Variants in CDH2 observed in about 807,000 individuals in gnomAD.
The protein encoded by CDH2 is cadherin-2.
In CDH2, 17 loss-of-function variants were observed where a neutral mutation model predicts 92.0. The ratio of observed to expected loss-of-function variants is 0.18; its 90% confidence interval spans 0.13 to 0.28. The LOEUF (loss-of-function observed/expected upper bound fraction) is 0.28, where lower values mean the gene tolerates loss of function less well. Among genes scored for constraint, CDH2 ranks in the 10% least tolerant of loss-of-function variants. CDH2 has a pLI of 1.00. For synonymous variants in CDH2, 419 were observed against 415.9 expected (o/e 1.01, Z -0.09); for missense variants, 862 against 1,133.1 (o/e 0.76, Z 3.44).
rs540987781 is a variant in CDH2, at chr18:28,074,689, C to A, written c.173-60780G>T. Among the ~76,000 whole-genome samples the A allele has an allele frequency of 1.8e-3, 208 of 116,030 alleles. 2 individuals carry two copies. Among genetic ancestry groups the A allele is most frequent in the African/African-American group, 6.5e-3 (196 of 30,096 alleles). The allele number at this position is 116,030 out of a possible 152,430, so 76.1% of individuals were successfully genotyped here. A position where few individuals can be genotyped will look rare whatever the true frequency, so the allele number is the denominator to read the frequency against. On this transcript the variant is annotated intron_variant, in intron 2 of 15. Transcript: ENST00000269141. ...TAATTTAACTCCTAACTAAAGGAGG[C>A]CCTTTTTTTTTTTTAACTATTTAAA...
chr18:27,971,376 T>C (rs2011654990), intron 14 of CDH2, among the ~76,000 whole-genome samples: 1 of 141,846 alleles, frequency 7.0e-6, no homozygotes, highest in Non-Finnish European at 1.5e-5. Context: ...TTGTTATTAG[T>C]AGAATATCAA....
chr18:28,043,467 TATATATATATATATATATATATATATAA>T (rs1472708585), intron 2 of CDH2, among the ~76,000 whole-genome samples: 1,714 of 59,606 alleles, frequency 0.029, 42 homozygotes, highest in South Asian at 0.11. Context: ...AATAAATATA[TATATATATATATATATATATATATATAA>T]ATATATATAT....
At chr18:28,072,707 AC>A (rs1280437224) in intron 2 of CDH2, among the ~76,000 whole-genome samples, 1 of 152,284 alleles carries the variant, frequency 6.6e-6, no homozygotes, top group Non-Finnish European at 1.5e-5. Context: ...TTTATGATGT[AC>A]TTCCTATTCC....
chr18:27,950,011 T>C (rs931672228), downstream of CDH2, among the ~76,000 whole-genome samples: 1 of 151,980 alleles, frequency 6.6e-6, no homozygotes, highest in Non-Finnish European at 1.5e-5. Flanking sequence ...TTCATTTGGA[T>C]GTACAACAGC....
chr18:28,074,419 G>C lies in CDH2; in HGVS notation c.173-60510C>G, dbSNP rs151220348. Among the ~76,000 whole-genome samples, 314 of 152,088 alleles carry C rather than the reference G, an allele frequency of 2.1e-3. 1 individual carries two copies. Among genetic ancestry groups the C allele is most frequent in the African/African-American group, 7.2e-3 (299 of 41,504 alleles). On this transcript the variant is annotated intron_variant, in intron 2 of 15. Transcript: ENST00000269141. ...TTAATGGGTCTTTAGTTTTTGTTTT[G>C]TATTTTTAGTAGAGATGGGTTTCAC...
Position 28,005,853 on chromosome 18 carries a change from C to T in CDH2, c.843G>A (p.Lys281=), listed in dbSNP as rs764864158. 1 of 1,609,820 alleles carries T rather than the reference C, an allele frequency of 6.2e-7. No individual in the cohort carries two copies. The highest frequency in any genetic ancestry group is 1.1e-5 in the South Asian group (1 of 90,128). Residue 281 remains lysine, a synonymous_variant, in exon 6 of 16, where the codon AAG becomes AAA. Transcript: ENST00000269141. ...VWNGTVPEGS[K]PGTYVMTVTA... ...AATTATTATCTTTAAACTTACCAGG[C>T]TTTGATCCCTCAGGAACTGTCCCAT...
intron 2 of CDH2, among the ~76,000 whole-genome samples, chr18:28,096,868 T>TG (rs2144224260): frequency 6.6e-6 from 1 of 152,364 alleles, no homozygotes; most frequent in Admixed American, 6.5e-5. Context: ...ATGCTTAAAA[T>TG]AATGACAAGC....
chr18:27,970,923 T>C (rs1379476591), intron 14 of CDH2, among the ~76,000 whole-genome samples: 1 of 152,052 alleles, frequency 6.6e-6, no homozygotes, highest in African/African-American at 2.4e-5. Flanking sequence ...TTTATAAAAA[T>C]AGGTGGGAGG....
intron 2 of CDH2, among the ~76,000 whole-genome samples, chr18:28,062,568 T>G (rs531948503): frequency 6.6e-6 from 1 of 152,348 alleles, no homozygotes; most frequent in African/African-American, 2.4e-5. Flanking sequence ...GAGTTCATGA[T>G]GCAAATATTC....
At chr18:27,991,655 T>C (rs2012419755) in intron 9 of CDH2, among the ~76,000 whole-genome samples, 1 of 152,234 alleles carries the variant, frequency 6.6e-6, no homozygotes, top group Admixed American at 6.5e-5. Flanking sequence ...GTTAAATAGT[T>C]GGCCATGATC....
At chr18:28,013,993 G>T in intron 2 of CDH2, 84 bp from the exon 3 acceptor site, 2 of 870,776 alleles carry the variant, frequency 2.3e-6, no homozygotes, top group Non-Finnish European at 3.5e-6. Flanking sequence ...CCTATATCCT[G>T]CTTAGGTTAA....
At chr18:28,096,241 G>C (rs1465100668) in intron 2 of CDH2, among the ~76,000 whole-genome samples, 1 of 152,078 alleles carries the variant, frequency 6.6e-6, no homozygotes, top group Non-Finnish European at 1.5e-5. Context: ...ACAAAGGAAA[G>C]GCTTTACCAG....
intron 2 of CDH2, among the ~76,000 whole-genome samples, chr18:28,058,266 G>A (rs920570416): frequency 6.6e-6 from 1 of 152,164 alleles, no homozygotes; most frequent in South Asian, 2.1e-4. Flanking sequence ...ATCCATTGAT[G>A]ACAATCTGAC....
At chr18:28,064,997 C>T (rs974383208) in intron 2 of CDH2, among the ~76,000 whole-genome samples, 3 of 152,052 alleles carry the variant, frequency 2.0e-5, no homozygotes, top group Admixed American at 2.0e-4. Flanking sequence ...TTTCCCTTTC[C>T]TTCCCCAAAG....
intron 7 of CDH2, among the ~76,000 whole-genome samples, chr18:28,000,501 G>C (rs1017665886): frequency 6.6e-6 from 1 of 152,066 alleles, no homozygotes; most frequent in Admixed American, 6.6e-5. Context: ...GAGGTTTCAG[G>C]TTAATACACT....
At chr18:28,153,258 C>G (rs957683059) in intron 1 of CDH2, among the ~76,000 whole-genome samples, 3 of 152,140 alleles carry the variant, frequency 2.0e-5, no homozygotes, top group South Asian at 2.1e-4. Flanking sequence ...CCAAAACCAT[C>G]CTGATCTTTT....
downstream of CDH2, among the ~76,000 whole-genome samples, chr18:27,947,468 A>G (rs975707802): frequency 6.6e-6 from 1 of 151,880 alleles, no homozygotes; most frequent in African/African-American, 2.4e-5. Context: ...AACTTCACAA[A>G]ATAATTCTAC....
chr18:27,937,982 A>C (rs998830406), intron 6 of CDH2, among the ~76,000 whole-genome samples: 1 of 152,140 alleles, frequency 6.6e-6, no homozygotes, highest in African/African-American at 2.4e-5. Flanking sequence ...CCAATGCTGC[A>C]GGTGGGGTCT....
intron 2 of CDH2, among the ~76,000 whole-genome samples, chr18:28,088,485 C>T (rs2014977820): frequency 6.6e-6 from 1 of 152,174 alleles, no homozygotes; most frequent in African/African-American, 2.4e-5. Context: ...GATACCCTTT[C>T]TAAATTAGAG....
Sources: gnomAD v4.1 joint callset for allele counts (sites outside exome capture counted in the v4.1 genomes callset) on GRCh38, gnomAD v4.1.1 for gene constraint, MANE v1.5 for transcripts, NCBI Gene and HGNC (gene_info 2026-07-23, HGNC 2026-07-21) for gene names.